MICU3: variants seen among roughly 807,000 people sequenced by gnomAD.
MICU3 encodes mitochondrial calcium uptake 3.
A neutral mutation model predicts 66.5 loss-of-function variants in MICU3; 62 were observed. The ratio of observed to expected loss-of-function variants is 0.93; its 90% CI spans 0.76 to 1.15. The LOEUF is 1.15. Ranked by LOEUF, MICU3 falls within the 50% of genes most tolerant of loss-of-function variation. The pLI is 0.00. For synonymous variants in MICU3, 308 were observed against 240.7 expected, an observed-to-expected ratio of 1.28 and a Z score of -2.59; for missense variants, 779 against 664.4, an observed-to-expected ratio of 1.17 and a Z score of -1.90.
chr8:17,033,882 G>C (rs940059860), intron 1 of MICU3, among the ~76,000 whole-genome samples: 1 of 152,188 alleles, frequency 6.6e-6, no homozygotes, highest in South Asian at 2.1e-4. Flanking sequence ...ATGATGATGT[G>C]CAGGGGGTAG....
At chr8:17,117,874 G>T (rs979896743) in intron 13 of MICU3, among the ~76,000 whole-genome samples, 4 of 152,154 alleles carry the variant, frequency 2.6e-5, no homozygotes, top group African/African-American at 9.7e-5. Context: ...CCTCCCAAGT[G>T]CTGGGATTAC....
intron 1 of MICU3, among the ~76,000 whole-genome samples, chr8:17,057,258 A>T (rs1817083937): frequency 6.6e-6 from 1 of 152,162 alleles, no homozygotes; most frequent in Non-Finnish European, 1.5e-5. Flanking sequence ...AAGATGTCTC[A>T]GGCACAGGTT....
At chr8:17,100,711 G>T (rs1004735485) in intron 9 of MICU3, among the ~76,000 whole-genome samples, 1 of 151,766 alleles carries the variant, frequency 6.6e-6, no homozygotes, top group Non-Finnish European at 1.5e-5. Context: ...TCTAACCATA[G>T]ATTTTTAAAA....
intron 1 of MICU3, among the ~76,000 whole-genome samples, chr8:17,040,540 G>A (rs566215079): frequency 2.6e-5 from 4 of 152,286 alleles, no homozygotes; most frequent in African/African-American, 7.2e-5. Context: ...TGGATACTGA[G>A]TCGTAGTAGC....
chr8:17,127,951 A>C, the MICU3 span, among the ~76,000 whole-genome samples: 1 of 152,226 alleles, frequency 6.6e-6, no homozygotes, highest in Non-Finnish European at 1.5e-5. Context: ...CTATCAGTTT[A>C]GAGCCTGAAT....
intron 5 of MICU3, among the ~76,000 whole-genome samples, chr8:17,084,038 A>G (rs1363160721): frequency 6.6e-6 from 1 of 151,920 alleles, no homozygotes; most frequent in Non-Finnish European, 1.5e-5. Flanking sequence ...TTCAGGACTC[A>G]CCAACAGAAG....
the MICU3 span, among the ~76,000 whole-genome samples, chr8:17,135,801 T>C: frequency 3.5e-4 from 54 of 152,254 alleles, no homozygotes; most frequent in Non-Finnish European, 6.5e-4. Flanking sequence ...GGATTGAGTG[T>C]TGAATCATCT....
At chr8:17,040,967 G>A (rs994118988) in intron 1 of MICU3, among the ~76,000 whole-genome samples, 2 of 152,166 alleles carry the variant, frequency 1.3e-5, no homozygotes, top group African/African-American at 4.8e-5. Context: ...AACAGGTTGG[G>A]AATAATGGGC....
intron 13 of MICU3, 64 bp downstream of exon 13, chr8:17,116,664 T>A (rs1585573835): frequency 8.5e-7 from 1 of 1,172,346 alleles, no homozygotes; most frequent in East Asian, 2.7e-5. Context: ...TCAATCCATC[T>A]AAGTTGAGAA....
chr8:17,056,806 C>T (rs1282045967), intron 1 of MICU3, among the ~76,000 whole-genome samples: 3 of 152,150 alleles, frequency 2.0e-5, no homozygotes, highest in Admixed American at 6.5e-5. Flanking sequence ...AGGTGGCCTT[C>T]GTGAGAATCA....
chr8:17,105,517 G>A lies in MICU3; in HGVS notation c.1190G>A (p.Arg397Gln), dbSNP rs374157850. ...GAAGATTTTGCTCATATTCTTTTAC[G>A]ATATACAAATGTGGAAAATACATCA... ...SEEDFAHILL[R>Q]YTNVENTSVF... The change falls in exon 11 of 15, where the codon CGA becomes CAA. Residue 397 changes from arginine to glutamine, a missense_variant. Physicochemically the swap from Arg to Gln is conservative, Grantham distance 43 (BLOSUM62 1). Transcript: ENST00000318063. The A allele has an allele frequency of 1.6e-4, 259 of 1,575,572 alleles. 1 individual carries two copies. The highest frequency in any genetic ancestry group is 2.1e-4 in the Non-Finnish European group (239 of 1,157,376).
intron 3 of MICU3, among the ~76,000 whole-genome samples, chr8:17,073,744 A>G (rs1001839942): frequency 6.6e-6 from 1 of 152,170 alleles, no homozygotes; most frequent in Admixed American, 6.5e-5. Context: ...ATTTGGGAAC[A>G]ATATGTCAAT....
chr8:17,124,315 T>C (rs11997910), downstream of MICU3, among the ~76,000 whole-genome samples: 814 of 152,328 alleles, frequency 5.3e-3, 5 homozygotes, highest in African/African-American at 0.019. Context: ...TGCTTGTTTG[T>C]CTACCTTTTA....
At chr8:17,087,274 T>A (rs560304145) in intron 7 of MICU3, among the ~76,000 whole-genome samples, 3 of 152,150 alleles carry the variant, frequency 2.0e-5, no homozygotes, top group Non-Finnish European at 4.4e-5. Context: ...TTCATCCATA[T>A]TGTTATCTGT....
intron 14 of MICU3, among the ~76,000 whole-genome samples, 160 bp from the exon 15 acceptor site, chr8:17,120,128 C>A (rs1320749081): frequency 6.6e-6 from 1 of 152,132 alleles, no homozygotes; most frequent in African/African-American, 2.4e-5. Context: ...GATTACTAAA[C>A]AAAACACTCA....
intron 1 of MICU3, among the ~76,000 whole-genome samples, chr8:17,043,088 C>T (rs981724987): frequency 2.6e-5 from 4 of 151,558 alleles, no homozygotes; most frequent in Non-Finnish European, 4.4e-5. Flanking sequence ...TACAGGCGCC[C>T]ACCACCACGC....
intron 11 of MICU3, among the ~76,000 whole-genome samples, chr8:17,112,384 A>G (rs116873490): frequency 0.042 from 6,333 of 152,242 alleles, 191 homozygotes; most frequent in Non-Finnish European, 0.062. Flanking sequence ...GGTTTATTCC[A>G]GTAGTGATTC....
At chr8:17,114,288 A>C (rs562325239) in intron 12 of MICU3, 87 bp downstream of exon 12, 1 of 758,608 alleles carries the variant, frequency 1.3e-6, no homozygotes, top group African/African-American at 1.8e-5. Flanking sequence ...TAAATATGAC[A>C]TATCACCCAT....
intron 11 of MICU3, among the ~76,000 whole-genome samples, chr8:17,108,811 C>A (rs1041125613): frequency 6.6e-6 from 1 of 152,138 alleles, no homozygotes; most frequent in African/African-American, 2.4e-5. Context: ...CCATTCTTCT[C>A]AAAGTAAAAG....
Sources: gnomAD v4.1 joint callset for allele counts (sites outside exome capture counted in the v4.1 genomes callset) on GRCh38, gnomAD v4.1.1 for gene constraint, MANE v1.5 for transcripts, NCBI Gene and HGNC (gene_info 2026-07-23, HGNC 2026-07-21) for gene names.